DISP3: variants seen among roughly 807,000 people sequenced by gnomAD.
The protein encoded by DISP3 is protein dispatched homolog 3.
In DISP3, 101 loss-of-function variants were observed where a neutral mutation model predicts 135.3. The observed-to-expected ratio is 0.75, with a 90% CI of 0.64 to 0.88. DISP3 has a LOEUF of 0.88. Ranked by LOEUF, DISP3 falls within the 40% of genes least tolerant of loss-of-function variation. The probability of loss-of-function intolerance (pLI) is 0.00; values close to 1 mark genes in which losing one functional copy is unlikely to be tolerated. For synonymous variants in DISP3, 856 were observed against 817.0 expected, an observed-to-expected ratio of 1.05 and a Z score of -0.81; for missense variants, 1,713 against 1,878.6, an observed-to-expected ratio of 0.91 and a Z score of 1.63.
chr1:11,522,783 G>GCCCAGCCAGGA (rs1642267463), intron 10 of DISP3, among the ~76,000 whole-genome samples: 1 of 16,556 alleles, frequency 6.0e-5, no homozygotes, highest in Non-Finnish European at 1.3e-4. Flanking sequence ...CCCAGCCAGG[G>GCCCAGCCAGGA]CCCAGCCAGA....
At position 11,536,831 on chromosome 1, in the gene DISP3, G is replaced by C; in HGVS notation, c.*145G>C. On this transcript the variant is annotated 3_prime_UTR_variant, in exon 21 of 21. Coordinates refer to ENST00000294484, the MANE Select transcript of DISP3 (RefSeq NM_020780.2). This position sits in a 1 kb window ranked among gnomAD's most constrained non-coding sequence, Gnocchi z 4.3. ...CAGCGTGGAGGCTGACACCCACACA[G>C]ATGGTGTGGACCATGCTGCCTTGTG... The C allele has an allele frequency of 9.1e-7, 1 of 1,096,816 alleles. No individual in the cohort carries two copies. Among genetic ancestry groups the C allele is most frequent in the Non-Finnish European group, 1.3e-6 (1 of 793,550 alleles). 67.9% of individuals were successfully genotyped at this position (1,096,816 alleles called of 1,614,324 possible). A position where few individuals can be genotyped will look rare whatever the true frequency, so the allele number is the denominator to read the frequency against.
rs925896010 is a variant in DISP3 at position 11,491,577 on chromosome 1, C to G, written c.-3-9413C>G. ...AGTGAACCATCATAGTGTCACTGCA[C>G]TCCAGCCTGGGTGACAGAGTGAGAT... is the stretch of plus-strand genomic sequence containing the variant. On this transcript the variant is annotated intron_variant, in intron 1 of 20. Transcript: ENST00000294484. The surrounding 1 kb of genome is among the most constrained non-coding windows in gnomAD (Gnocchi z 4.3). Among the ~76,000 whole-genome samples, 1 of 152,106 alleles carries G rather than the reference C, an allele frequency of 6.6e-6. No homozygotes were observed. The highest frequency in any genetic ancestry group is 1.5e-5 in the Non-Finnish European group (1 of 68,030).
rs779046501 is a variant in DISP3, at chr1:11,502,663, C to T, written c.1097-15C>T. 1.9e-6 allele frequency: 3 copies of T among 1,610,638 alleles called. No homozygotes were observed. Among genetic ancestry groups the T allele is most frequent in the Non-Finnish European group, 2.5e-6 (3 of 1,178,238 alleles). On this transcript the variant is annotated splice_polypyrimidine_tract_variant and intron_variant, in intron 2 of 20. Transcript: ENST00000294484. ...ACCAGCTGAACTCTTGGGGCCCCCA[C>T]CCCTGTCCTTGCAGGCTCCCTGGAG...
intron 3 of DISP3, among the ~76,000 whole-genome samples, chr1:11,503,437 T>G (rs1221281078): frequency 1.3e-5 from 2 of 152,166 alleles, no homozygotes; most frequent in Non-Finnish European, 1.5e-5. Flanking sequence ...CTAGGGAAAC[T>G]AATGGTGTAA....
rs571423432 is a variant in DISP3, at chr1:11,500,185, C to A, written c.-3-805C>A. ...TGCATATTAAGTGGCCCGAGCCTGA[C>A]AAACAGTGCTGCAGCTGCAGCACCC... On this transcript the variant is annotated intron_variant, in intron 1 of 20. Coordinates refer to ENST00000294484, the MANE Select transcript of DISP3 (RefSeq NM_020780.2). 3.3e-5 allele frequency among the ~76,000 whole-genome samples: 5 copies of A among 152,340 alleles called. No individual in the cohort carries two copies. In the South Asian group the frequency reaches 1.0e-3, roughly 32 times the overall value.
In DISP3 at chr1:11,516,772, T is replaced by A. The variant is rs983836629; in HGVS notation, c.1749+611T>A. Among the ~76,000 whole-genome samples the A allele has an allele frequency of 3.3e-5, 5 of 152,146 alleles. No individual in the cohort carries two copies. The highest frequency in any genetic ancestry group is 7.4e-5 in the Non-Finnish European group (5 of 68,004). ...GCTGAGTAGCCCCTCTGGAAACCAG[T>A]AGATGCTTTAGGATTATCCAGGTCC... On this transcript the variant is annotated intron_variant, in intron 6 of 20. Transcript: ENST00000294484. This position sits in a 1 kb window ranked among gnomAD's most constrained non-coding sequence, Gnocchi z 5.1.
At position 11,523,837 on chromosome 1, in the gene DISP3, C is replaced by G. The variant is rs566315577; in HGVS notation, c.2363-105C>G. On this transcript the variant is annotated intron_variant, in intron 10 of 20. Coordinates refer to ENST00000294484, the MANE Select transcript of DISP3 (RefSeq NM_020780.2). ...CCCACCCCCTCCAGTCCCTGGGCCC[C>G]AGTTCCTGAGACTGTCTCAGATCCC... 25 of 843,198 alleles carry G rather than the reference C, an allele frequency of 3.0e-5. No homozygotes were observed. The African/African-American group carries it at 4.3e-4, about 14-fold the overall frequency. 52.2% of individuals were successfully genotyped at this position (843,198 alleles called of 1,614,324 possible). A position where few individuals can be genotyped will look rare whatever the true frequency, so the allele number is the denominator to read the frequency against.
chr1:11,511,699 G>A (rs537593099), intron 3 of DISP3, among the ~76,000 whole-genome samples: 29 of 152,264 alleles, frequency 1.9e-4, no homozygotes, highest in African/African-American at 6.7e-4. Context: ...GGAGGACAAT[G>A]ACCCTCTTCT....
chr1:11,534,984 G>T, intron 18 of DISP3, 27 bp from the exon 19 acceptor site: 1 of 1,544,302 alleles, frequency 6.5e-7, no homozygotes, highest in Admixed American at 1.9e-5. Context: ...ACACAGCAGC[G>T]CACTGAGGCC....
intron 5 of DISP3, 152 bp downstream of exon 5, chr1:11,515,655 G>C: frequency 7.9e-7 from 1 of 1,258,338 alleles, no homozygotes; most frequent in South Asian, 1.6e-5. Context: ...TAGAATGTGG[G>C]TGGTGGGCGG....
intron 12 of DISP3, among the ~76,000 whole-genome samples, chr1:11,526,289 C>T (rs1452422624): frequency 2.6e-5 from 4 of 152,242 alleles, no homozygotes; most frequent in African/African-American, 9.6e-5. Flanking sequence ...TCGCCTTGCC[C>T]TCCTCTCCCT....
intron 1 of DISP3, among the ~76,000 whole-genome samples, chr1:11,496,310 C>T (rs1259214942): frequency 6.6e-6 from 1 of 152,120 alleles, no homozygotes; most frequent in African/African-American, 2.4e-5. Flanking sequence ...GATTCATGGG[C>T]CCCGGCAAGG....
chr1:11,518,395 G>A (rs989171698), intron 7 of DISP3, among the ~76,000 whole-genome samples: 1 of 152,214 alleles, frequency 6.6e-6, no homozygotes, highest in Non-Finnish European at 1.5e-5. Context: ...TCAGGACCCC[G>A]CTGTGGTGGT....
At chr1:11,486,608 G>A (rs763476033) in intron 1 of DISP3, among the ~76,000 whole-genome samples, 7 of 152,170 alleles carry the variant, frequency 4.6e-5, no homozygotes, top group African/African-American at 1.7e-4. Flanking sequence ...ATGAACATGC[G>A]AATAGATCTG....
rs1302923186 is a variant in DISP3, at chr1:11,491,720, T to C, written c.-3-9270T>C. On this transcript the variant is annotated intron_variant, in intron 1 of 20. Coordinates refer to ENST00000294484, the MANE Select transcript of DISP3 (RefSeq NM_020780.2). The surrounding 1 kb of genome is among the most constrained non-coding windows in gnomAD (Gnocchi z 4.3). The stretch of plus-strand genomic sequence containing the variant: ...TAACGAGTATGCCTAGTGACTCCGA[T>C]TCACGTAAAAGTCCAAGGATCTTTG... Among the ~76,000 whole-genome samples the C allele has an allele frequency of 6.6e-6, 1 of 152,188 alleles. No individual in the cohort carries two copies. Among genetic ancestry groups the C allele is most frequent in the African/African-American group, 2.4e-5 (1 of 41,452 alleles).
chr1:11,521,113 T>C (rs1375206328), intron 10 of DISP3, among the ~76,000 whole-genome samples: 2 of 152,000 alleles, frequency 1.3e-5, no homozygotes, highest in East Asian at 1.9e-4. Flanking sequence ...TAGGGCCCGG[T>C]CACTGTAATA....
intron 1 of DISP3, among the ~76,000 whole-genome samples, chr1:11,497,670 G>A (rs1359050396): frequency 6.6e-6 from 1 of 152,202 alleles, no homozygotes; most frequent in African/African-American, 2.4e-5. Context: ...TTACAGGCAT[G>A]AGCCACCGCA....
In DISP3 at chr1:11,514,524, C is replaced by T. The variant is rs1212103367; in HGVS notation, c.1451C>T (p.Ser484Leu). Reference sequence around the variant, plus strand: ...CTGGTCTACATCCTCACCTCCTGCTCAGGTAGGGCTTCTCTCAAGCCAGCC... The same window carrying T: ...CTGGTCTACATCCTCACCTCCTGCTTAGGTAGGGCTTCTCTCAAGCCAGCC... ...AALVYILTSC[S>L]VFLSFFGIAS... The change falls in exon 4 of 21, where the codon TCA (serine) becomes TTA (leucine). Residue 484 changes from serine (S) to leucine (L), a missense_variant and splice_region_variant. Physicochemically the swap from Ser to Leu is moderately radical, Grantham distance 145. Coordinates refer to ENST00000294484, the MANE Select transcript of DISP3 (RefSeq NM_020780.2). 4.3e-6 allele frequency: 7 copies of T among 1,613,296 alleles called. No individual in the cohort carries two copies. The highest frequency in any genetic ancestry group is 5.9e-6 in the Non-Finnish European group (7 of 1,179,538).
chr1:11,493,992 T>C (rs982353707), intron 1 of DISP3, among the ~76,000 whole-genome samples: 5 of 152,224 alleles, frequency 3.3e-5, no homozygotes, highest in Non-Finnish European at 7.3e-5. Context: ...GCAAACTTGC[T>C]AAAAGGCAAT....
Sources: allele counts gnomAD v4.1 joint callset (sites outside exome capture counted in the v4.1 genomes callset), GRCh38; gene constraint gnomAD v4.1.1; non-coding constraint Gnocchi (gnomAD v3.1); transcripts MANE v1.5; gene names NCBI Gene and HGNC (gene_info 2026-07-23, HGNC 2026-07-21).